Variants in TNFAIP1 observed in about 807,000 individuals in gnomAD.
The protein encoded by TNFAIP1 is TNF alpha induced protein 1, also known as BTB/POZ domain-containing adapter for CUL3-mediated RhoA degradation protein 2.
In TNFAIP1, 20 loss-of-function variants were observed where a neutral mutation model predicts 32.6. The ratio of observed to expected loss-of-function variants is 0.61; its 90% CI spans 0.43 to 0.89. The LOEUF is 0.89. Ranked by LOEUF, TNFAIP1 falls within the 40% of genes least tolerant of loss-of-function variation. The probability of loss-of-function intolerance (pLI) is 0.00; values close to 1 mark genes in which losing one functional copy is unlikely to be tolerated. For missense variants in TNFAIP1, 319 were observed against 425.1 expected (o/e 0.75, Z 2.20); for synonymous variants, 166 against 166.8 (o/e 1.00, Z 0.04).
At position 28,342,602 on chromosome 17, in the gene TNFAIP1, G is replaced by A; in HGVS notation, c.714+160G>A. 1 of 693,752 alleles carries A rather than the reference G, an allele frequency of 1.4e-6. No homozygotes were observed. Among genetic ancestry groups the A allele is most frequent in the Non-Finnish European group, 2.2e-6 (1 of 450,674 alleles). 43.0% of individuals were successfully genotyped at this position (693,752 alleles called of 1,614,324 possible). A position where few individuals can be genotyped will look rare whatever the true frequency, so the allele number is the denominator to read the frequency against. ...GGCAAGGACAAGGCCAGAACAAGGG[G>A]TGTGGGGAATGGACGGGAACTGCTT... On this transcript the variant is annotated intron_variant, in intron 6 of 6. Coordinates refer to ENST00000226225, the MANE Select transcript of TNFAIP1 (RefSeq NM_021137.5). This position sits in a 1 kb window ranked among gnomAD's most constrained non-coding sequence, Gnocchi z 4.0.
chr17:28,341,282 A>T lies in TNFAIP1; in HGVS notation c.421A>T (p.Thr141Ser), dbSNP rs782324647. The change falls in exon 4 of 7, where the codon ACA becomes TCA. Residue 141 changes from threonine (T) to serine (S), a missense_variant. Thr to Ser is a moderately conservative substitution (Grantham distance 58, BLOSUM62 1). Coordinates refer to ENST00000226225, the MANE Select transcript of TNFAIP1 (RefSeq NM_021137.5). ...GCCTGTGTGCAACATCCCCATCATC[A>T]CATCCCTAAAGGAGGAGGAGCGGCT... is the stretch of plus-strand genomic sequence containing the variant. ...YQPVCNIPII[T>S]SLKEEERLIE... 6.8e-6 allele frequency: 11 copies of T among 1,614,172 alleles called. No homozygotes were observed. In the East Asian group the frequency reaches 2.5e-4, roughly 36 times the overall value.
chr17:28,343,187 C>A (rs572095885), intron 6 of TNFAIP1, among the ~76,000 whole-genome samples: 78 of 152,208 alleles, frequency 5.1e-4, no homozygotes, highest in Non-Finnish European at 9.4e-4. Flanking sequence ...CTTACTGGCC[C>A]CAACCAGCTG....
At position 28,344,693 on chromosome 17, in the gene TNFAIP1, C is replaced by G. The variant is rs1907486431; in HGVS notation, c.*93C>G. ...CACCCCATGCTGCTGCTGCCTGGGT[C>G]TCTGCTCTAGCACCCAGAGGCATGA... is the stretch of plus-strand genomic sequence containing the variant. On this transcript the variant is annotated 3_prime_UTR_variant, in exon 7 of 7. Coordinates refer to ENST00000226225, the MANE Select transcript of TNFAIP1 (RefSeq NM_021137.5). The G allele has an allele frequency of 1.5e-6, 2 of 1,303,016 alleles. No homozygotes were observed. The highest frequency in any genetic ancestry group is 3.5e-5 in the Admixed American group (2 of 57,180). 80.7% of individuals were successfully genotyped at this position (1,303,016 alleles called of 1,614,324 possible).
intron 1 of TNFAIP1, among the ~76,000 whole-genome samples, chr17:28,336,183 G>T (rs1907144794): frequency 6.6e-6 from 1 of 152,176 alleles, no homozygotes; most frequent in African/African-American, 2.4e-5. Flanking sequence ...GGATTTCTGG[G>T]TCCTTCTTCC....
In TNFAIP1 at chr17:28,345,815, C is replaced by T. The variant is rs1907536401; in HGVS notation, c.*1215C>T. 2 of 152,248 alleles carry T rather than the reference C, an allele frequency of 1.3e-5. No individual in the cohort carries two copies. Among genetic ancestry groups the T allele is most frequent in the Non-Finnish European group, 2.9e-5 (2 of 68,044 alleles). The allele number at this position is 152,248 out of a possible 1,614,324, so 9.4% of individuals were successfully genotyped here. On this transcript the variant is annotated 3_prime_UTR_variant, in exon 7 of 7. Transcript: ENST00000226225. The stretch of plus-strand genomic sequence containing the variant: ...CGAAGCACCCTGAAGGCCTTCACTC[C>T]TTGTTGGGTAACTCAGCCATGGAGA...
chr17:28,340,191 G>T lies in TNFAIP1; in HGVS notation c.206-118G>T. The stretch of plus-strand genomic sequence containing the variant: ...CCCCGCCTCTGTCACCCTGCGTAAG[G>T]GCTTTGTGCTCGTGGACCCCCTTCC... On this transcript the variant is annotated intron_variant, in intron 2 of 6. Coordinates refer to ENST00000226225, the MANE Select transcript of TNFAIP1 (RefSeq NM_021137.5). The surrounding 1 kb of genome is among the most constrained non-coding windows in gnomAD (Gnocchi z 4.1). 1 of 1,042,686 alleles carries T rather than the reference G, an allele frequency of 9.6e-7. No individual in the cohort carries two copies. The highest frequency in any genetic ancestry group is 1.4e-6 in the Non-Finnish European group (1 of 692,604). 64.6% of individuals were successfully genotyped at this position (1,042,686 alleles called of 1,614,324 possible).
At position 28,341,399 on chromosome 17, in the gene TNFAIP1, C is replaced by T; in HGVS notation, c.466-5C>T. The T allele has an allele frequency of 6.2e-7, 1 of 1,614,234 alleles. No homozygotes were observed. Among genetic ancestry groups the T allele is most frequent in the Non-Finnish European group, 8.5e-7 (1 of 1,180,044 alleles). On this transcript the variant is annotated splice_region_variant and splice_polypyrimidine_tract_variant and intron_variant, in intron 4 of 6. Transcript: ENST00000226225. Reference sequence around the variant, plus strand: ...CCTGGCCCCTCACTCTGAACTCCTTCACAGCCCGTGGTGAAGCTGCTGTAC... The same window carrying T: ...CCTGGCCCCTCACTCTGAACTCCTTTACAGCCCGTGGTGAAGCTGCTGTAC...
In TNFAIP1 at chr17:28,345,017, A is replaced by C. The variant is rs1180348898; in HGVS notation, c.*417A>C. 1.9e-5 allele frequency: 4 copies of C among 207,520 alleles called. No individual in the cohort carries two copies. Among genetic ancestry groups the C allele is most frequent in the African/African-American group, 9.0e-5 (4 of 44,376 alleles). The allele number at this position is 207,520 out of a possible 1,614,324, so 12.9% of individuals were successfully genotyped here. A position where few individuals can be genotyped will look rare whatever the true frequency, so the allele number is the denominator to read the frequency against. On this transcript the variant is annotated 3_prime_UTR_variant, in exon 7 of 7. Coordinates refer to ENST00000226225, the MANE Select transcript of TNFAIP1 (RefSeq NM_021137.5). ...GGACGTCTTTTTTCCTAAGGTGTTT[A>C]AGCACAGGCTTGATAAGTTTGGTTT...
rs139849401 is a variant in TNFAIP1 at position 28,336,983 on chromosome 17, C to G, written c.-115+1127C>G. On this transcript the variant is annotated intron_variant, in intron 1 of 6. Coordinates refer to ENST00000226225, the MANE Select transcript of TNFAIP1 (RefSeq NM_021137.5). ...GCGGTAAACTTGGGAAACCAGTGCC[C>G]TGCTTCTGGGTTGCACTTACAAGGC... Among the ~76,000 whole-genome samples the G allele has an allele frequency of 1.2e-3, 176 of 152,342 alleles. 1 individual carries two copies. The highest frequency in any genetic ancestry group is 4.1e-3 in the African/African-American group (170 of 41,574).
rs781807638 is a variant in TNFAIP1, at chr17:28,341,467, T to C, written c.518+11T>C. 23 of 1,613,888 alleles carry C rather than the reference T, an allele frequency of 1.4e-5. No homozygotes were observed. Among genetic ancestry groups the C allele is most frequent in the Middle Eastern group, 1.7e-4 (1 of 6,026 alleles). ...GTATTCCTACACCAGGTAGGGTGCG[T>C]CACAGGGCTCAACAGACACTGGGCA... is the stretch of plus-strand genomic sequence containing the variant. On this transcript the variant is annotated intron_variant, in intron 5 of 6. Transcript: ENST00000226225.
chr17:28,339,344 G>T (rs1280035634), intron 1 of TNFAIP1, 64 bp from the exon 2 acceptor site: 2 of 524,366 alleles, frequency 3.8e-6, no homozygotes, highest in East Asian at 6.5e-5. Context: ...TCGTGTTTCT[G>T]CTATTGTCTC....
At chr17:28,338,885 C>G (rs1426536776) in intron 1 of TNFAIP1, among the ~76,000 whole-genome samples, 1 of 151,864 alleles carries the variant, frequency 6.6e-6, no homozygotes, top group East Asian at 1.9e-4. Context: ...GATGAGGTGA[C>G]CAGGGCAGGA....
intron 1 of TNFAIP1, among the ~76,000 whole-genome samples, 186 bp downstream of exon 1, chr17:28,336,042 G>A (rs1306095700): frequency 2.6e-5 from 4 of 152,182 alleles, no homozygotes; most frequent in African/African-American, 7.2e-5. Context: ...AGTGGTCCGG[G>A]CTAGAGAAGA....
Position 28,340,330 on chromosome 17 carries a change from G to A in TNFAIP1, c.227G>A (p.Cys76Tyr). The A allele has an allele frequency of 6.2e-7, 1 of 1,614,012 alleles. No individual in the cohort carries two copies. Among genetic ancestry groups the A allele is most frequent in the East Asian group, 2.2e-5 (1 of 44,880 alleles). Residue 76 changes from cysteine (C) to tyrosine (Y), a missense_variant, in exon 3 of 7, where the codon TGT (cysteine) becomes TAT (tyrosine). Transcript: ENST00000226225. This position sits in a 1 kb window ranked among gnomAD's most constrained non-coding sequence, Gnocchi z 4.1. ...DKEGWILIDR[C>Y]GKHFGTILNY... Reference sequence around the variant, plus strand: ...CTAGGCTGGATCCTCATAGACCGTTGTGGAAAGCACTTTGGCACCATTTTG... The same window carrying A: ...CTAGGCTGGATCCTCATAGACCGTTATGGAAAGCACTTTGGCACCATTTTG...
Position 28,340,231 on chromosome 17 carries a change from C to G in TNFAIP1, c.206-78C>G, listed in dbSNP as rs1218013130. 1.3e-6 allele frequency: 2 copies of G among 1,500,538 alleles called. No homozygotes were observed. Among genetic ancestry groups the G allele is most frequent in the Non-Finnish European group, 1.8e-6 (2 of 1,091,588 alleles). The allele number at this position is 1,500,538 out of a possible 1,614,324, so 93.0% of individuals were successfully genotyped here. A position where few individuals can be genotyped will look rare whatever the true frequency, so the allele number is the denominator to read the frequency against. On this transcript the variant is annotated intron_variant, in intron 2 of 6. Transcript: ENST00000226225. The surrounding 1 kb of genome is among the most constrained non-coding windows in gnomAD (Gnocchi z 4.1). ...GACCCCCTTCCCTGCCACCTGCCGC[C>G]AGCTTGTCAGGTGGCCTTTGCCTGC...
In TNFAIP1 at chr17:28,343,004, G is replaced by A. The variant is rs1223423523; in HGVS notation, c.714+562G>A. ...ACCCTGGACAACATGGTGAAACCCCGTCTTTACAAAAAATAGAAAAATTAG... is the reference window on the plus strand; with the variant it reads ...ACCCTGGACAACATGGTGAAACCCCATCTTTACAAAAAATAGAAAAATTAG... On this transcript the variant is annotated intron_variant, in intron 6 of 6. Coordinates refer to ENST00000226225, the MANE Select transcript of TNFAIP1 (RefSeq NM_021137.5). Among the ~76,000 whole-genome samples, 9 of 152,040 alleles carry A rather than the reference G, an allele frequency of 5.9e-5. No homozygotes were observed. The South Asian group carries it at 6.2e-4, about 11-fold the overall frequency.
chr17:28,338,510 AACACTGGCCGGC>A (rs1907249420), intron 1 of TNFAIP1, among the ~76,000 whole-genome samples: 1 of 152,110 alleles, frequency 6.6e-6, no homozygotes, highest in Admixed American at 6.5e-5. Flanking sequence ...CTGCACCAAG[AACACTGGCCGGC>A]ACCCCCGACC....
In TNFAIP1 at chr17:28,344,561, T is replaced by A. The variant is rs782512726; in HGVS notation, c.912T>A (p.Asp304Glu). Residue 304 changes from aspartate (D) to glutamate (E), a missense_variant, in exon 7 of 7, where the codon GAT becomes GAA. Physicochemically the swap from Asp to Glu is conservative, Grantham distance 45. Coordinates refer to ENST00000226225, the MANE Select transcript of TNFAIP1 (RefSeq NM_021137.5). The part of the protein sequence containing the change: ...RIHVKRYSTY[D>E]DRQLGHQSTH... ...ACGTCAAGCGCTACAGCACTTACGA[T>A]GACCGGCAGCTCGGCCACCAGTCTA... 1.2e-6 allele frequency: 2 copies of A among 1,613,548 alleles called. No individual in the cohort carries two copies. The highest frequency in any genetic ancestry group is 2.7e-5 in the African/African-American group (2 of 74,930).
In TNFAIP1 at chr17:28,339,588, G is replaced by C; in HGVS notation, c.67G>C (p.Gly23Arg). The change falls in exon 2 of 7, where the codon GGA (glycine) becomes CGA (arginine). Residue 23 changes from glycine (G) to arginine (R), a missense_variant. By Grantham distance (125) the Gly-to-Arg change is moderately radical (BLOSUM62 -2). Transcript: ENST00000226225. ...GCCCAAGCTCAGTGGCTTCAAGGGAGGAGGGTTGGGCAACAAGTATGTCCA... is the reference window on the plus strand; with the variant it reads ...GCCCAAGCTCAGTGGCTTCAAGGGACGAGGGTTGGGCAACAAGTATGTCCA... Reference protein sequence around the residue: ...AKPKLSGFKGGGLGNKYVQLN... With the variant: ...AKPKLSGFKGRGLGNKYVQLN... 6.2e-7 allele frequency: 1 copy of C among 1,613,944 alleles called. No homozygotes were observed. Among genetic ancestry groups the C allele is most frequent in the Non-Finnish European group, 8.5e-7 (1 of 1,179,930 alleles).
Sources: gnomAD v4.1 joint callset for allele counts (sites outside exome capture counted in the v4.1 genomes callset) on GRCh38, gnomAD v4.1.1 for gene constraint, Gnocchi (gnomAD v3.1) non-coding constraint, MANE v1.5 for transcripts, NCBI Gene and HGNC (gene_info 2026-07-23, HGNC 2026-07-21) for gene names.